Variants in SHANK1 observed in about 807,000 individuals in gnomAD.
SHANK1 encodes the protein SH3 and multiple ankyrin repeat domains 1, also known as SH3 and multiple ankyrin repeat domains protein 1.
A neutral mutation model predicts 165.6 loss-of-function variants in SHANK1; 35 were observed. The observed-to-expected ratio is 0.21, with a 90% CI of 0.16 to 0.28. SHANK1 has a LOEUF of 0.28. SHANK1 is among the 10% of genes least tolerant of loss of function. The pLI is 1.00. For synonymous variants in SHANK1, 1,428 were observed against 1,384.8 expected, an observed-to-expected ratio of 1.03 and a Z score of -0.69; for missense variants, 2,681 against 3,036.4, an observed-to-expected ratio of 0.88 and a Z score of 2.75.
At position 50,703,797 on chromosome 19, in the gene SHANK1, C is replaced by T. The variant is rs751873617; in HGVS notation, c.1256G>A (p.Arg419Gln). ...CCCTGTGCCTGGGGGCCCCCGTCGCCGGGCCGCGTACTTGGGGGACTCCTG... is the reference window on the plus strand; with the variant it reads ...CCCTGTGCCTGGGGGCCCCCGTCGCTGGGCCGCGTACTTGGGGGACTCCTG... ...PFQESPKYAA[R>Q]RRGPPGTGLT... The change falls in exon 11 of 24, where the codon CGG becomes CAG. Residue 419 changes from arginine to glutamine, a missense_variant. Transcript: ENST00000293441. 1.9e-5 allele frequency: 27 copies of T among 1,426,024 alleles called. No individual in the cohort carries two copies. Among genetic ancestry groups the T allele is most frequent in the Non-Finnish European group, 2.5e-5 (27 of 1,095,018 alleles). The allele number at this position is 1,426,024 out of a possible 1,614,324, so 88.3% of individuals were successfully genotyped here.
In SHANK1 at chr19:50,666,419, C is replaced by T. The variant is rs1156468511; in HGVS notation, c.5541G>A (p.Pro1847=). Reference sequence around the variant, plus strand: ...CCAAGGGCCCGGGCAGAGGTGGTGGCGGTGGGCCCGGGCCCTCCTCCCAGG... The same window carrying T: ...CCAAGGGCCCGGGCAGAGGTGGTGGTGGTGGGCCCGGGCCCTCCTCCCAGG... ...LLPWEEGPGP[P]PPPLPGPLAQ... The change falls in exon 23 of 24, where the codon CCG becomes CCA. Residue 1847 remains proline (P), a synonymous_variant. Transcript: ENST00000293441. 1.9e-6 allele frequency: 3 copies of T among 1,611,204 alleles called. No individual in the cohort carries two copies. The highest frequency in any genetic ancestry group is 1.1e-5 in the South Asian group (1 of 90,854).
At chr19:50,665,808 T>C (rs10426330) in intron 23 of SHANK1, among the ~76,000 whole-genome samples, 29,329 of 145,008 alleles carry the variant, frequency 0.2, 3,149 homozygotes, top group Middle Eastern at 0.22. Flanking sequence ...CCAAGGCGGA[T>C]GGATCACCTG....
chr19:50,668,337 G>A lies in SHANK1; in HGVS notation c.3623C>T (p.Pro1208Leu). ...PSPAPAMSPV[P>L]PSPSPVPTPA... ...GGTGGGCACGGGCGAGGGGGACGGGGGCACGGGTGACATGGCCGGGGCGGG... is the reference window on the plus strand; with the variant it reads ...GGTGGGCACGGGCGAGGGGGACGGGAGCACGGGTGACATGGCCGGGGCGGG... Residue 1208 changes from proline to leucine, a missense_variant, in exon 23 of 24, where the codon CCC (proline) becomes CTC (leucine). Around this residue, in one of 10 missense-constraint regions of SHANK1, gnomAD observed 1,713 missense variants for 1,630.2 expected, o/e 1.05. Coordinates refer to ENST00000293441, the MANE Select transcript of SHANK1 (RefSeq NM_016148.5). The A allele has an allele frequency of 7.9e-7, 1 of 1,263,428 alleles. No individual in the cohort carries two copies. Among genetic ancestry groups the A allele is most frequent in the Non-Finnish European group, 9.9e-7 (1 of 1,006,380 alleles). 78.3% of individuals were successfully genotyped at this position (1,263,428 alleles called of 1,614,324 possible). A position where few individuals can be genotyped will look rare whatever the true frequency, so the allele number is the denominator to read the frequency against.
chr19:50,660,122 G>A lies in SHANK1; in HGVS notation c.*1843C>T, dbSNP rs951054180. On this transcript the variant is annotated 3_prime_UTR_variant, in exon 24 of 24. Coordinates refer to ENST00000293441, the MANE Select transcript of SHANK1 (RefSeq NM_016148.5). ...CCCTTCTTTGGCAGCTGAACATGGG[G>A]GGGGGACCTGAGGGCAACGCCCTCC... Among the ~76,000 whole-genome samples the A allele has an allele frequency of 6.6e-6, 1 of 151,324 alleles. No homozygotes were observed.
rs932966790 is a variant in SHANK1, at chr19:50,711,386, G to A, written c.1062C>T (p.Cys354=). ...CTAGGCAGACCTTGTTGTAGAGGGC[G>A]CAGATGTGCAGAGCCGTGTTCCCCG... ...NASGNTALHI[C]ALYNKETCAR... is the part of the protein sequence containing the mutation. The change falls in exon 8 of 24, where the codon TGC becomes TGT. Residue 354 remains cysteine (C), a synonymous_variant. Transcript: ENST00000293441. The A allele has an allele frequency of 1.3e-5, 21 of 1,555,868 alleles. No individual in the cohort carries two copies. The highest frequency in any genetic ancestry group is 1.7e-4 in the Middle Eastern group (1 of 6,014).
Position 50,670,923 on chromosome 19 carries a change from A to G in SHANK1, c.2674+1095T>C, listed in dbSNP as rs1985767812. On this transcript the variant is annotated intron_variant, in intron 22 of 23. Coordinates refer to ENST00000293441, the MANE Select transcript of SHANK1 (RefSeq NM_016148.5). The surrounding 1 kb of genome is among the most constrained non-coding windows in gnomAD (Gnocchi z 4.1). ...ATTCTCCTGCCTCAGCCTCCTGAGTAGCTGGGATTACAGGCACATGCCACC... is the reference window on the plus strand; with the variant it reads ...ATTCTCCTGCCTCAGCCTCCTGAGTGGCTGGGATTACAGGCACATGCCACC... Among the ~76,000 whole-genome samples the G allele has an allele frequency of 6.6e-6, 1 of 151,570 alleles. No individual in the cohort carries two copies. The highest frequency in any genetic ancestry group is 1.5e-5 in the Non-Finnish European group (1 of 67,958).
chr19:50,673,856 T>G (rs1985888434), intron 21 of SHANK1, among the ~76,000 whole-genome samples: 1 of 150,950 alleles, frequency 6.6e-6, no homozygotes, highest in South Asian at 2.1e-4. Flanking sequence ...TGCAGTGGCG[T>G]TAACACGGCT....
chr19:50,659,783 C>T lies in SHANK1; in HGVS notation c.*2182G>A, dbSNP rs1416276684. ...CCCCGACCTCTCCTCCCCCCCCCAC[C>T]CCCTACACCCTCCCCAACCCCGCGG... On this transcript the variant is annotated 3_prime_UTR_variant, in exon 24 of 24. Transcript: ENST00000293441. Among the ~76,000 whole-genome samples the T allele has an allele frequency of 9.6e-5, 14 of 145,656 alleles. No individual in the cohort carries two copies. Among genetic ancestry groups the T allele is most frequent in the African/African-American group, 2.3e-4 (9 of 39,402 alleles).
In SHANK1 at chr19:50,667,486, C is replaced by G. The variant is rs1259033307; in HGVS notation, c.4474G>C (p.Val1492Leu). The change falls in exon 23 of 24, where the codon GTG becomes CTG. Residue 1492 changes from valine to leucine, a missense_variant. Val to Leu is a conservative substitution (Grantham distance 32, BLOSUM62 1). Around this residue, in one of 10 missense-constraint regions of SHANK1, gnomAD observed 1,713 missense variants for 1,630.2 expected, o/e 1.05. Transcript: ENST00000293441. The surrounding 1 kb of genome is among the most constrained non-coding windows in gnomAD (Gnocchi z 5.7). ...GGCTGGCAGTTTTCAAGGAACCGCA[C>G]GTGCAGCGGCAGCCGCTCGGGTTCT... ...PEEPERLPLH[V>L]RFLENCQPRA... 2.0e-6 allele frequency: 3 copies of G among 1,528,134 alleles called. No individual in the cohort carries two copies. Among genetic ancestry groups the G allele is most frequent in the Non-Finnish European group, 2.6e-6 (3 of 1,148,782 alleles). 94.7% of individuals were successfully genotyped at this position (1,528,134 alleles called of 1,614,324 possible). A position where few individuals can be genotyped will look rare whatever the true frequency, so the allele number is the denominator to read the frequency against.
Position 50,668,175 on chromosome 19 carries a change from G to A in SHANK1, c.3785C>T (p.Ala1262Val). Residue 1262 changes from alanine (A) to valine (V), a missense_variant, in exon 23 of 24, where the codon GCG becomes GTG. Coordinates refer to ENST00000293441, the MANE Select transcript of SHANK1 (RefSeq NM_016148.5). ...RRSTLFLSTD[A>V]GDEDGGDGGL... ...GCCGTCCCCGCCGTCCTCGTCCCCC[G>A]CGTCGGTGGACAGGAACAGCGTGGA... 1 of 1,475,084 alleles carries A rather than the reference G, an allele frequency of 6.8e-7. No individual in the cohort carries two copies. The highest frequency in any genetic ancestry group is 8.9e-7 in the Non-Finnish European group (1 of 1,123,028). 91.4% of individuals were successfully genotyped at this position (1,475,084 alleles called of 1,614,324 possible).
At chr19:50,699,839 G>A (rs1986850355) in intron 12 of SHANK1, among the ~76,000 whole-genome samples, 1 of 151,586 alleles carries the variant, frequency 6.6e-6, no homozygotes, top group Admixed American at 6.6e-5. Context: ...GGATTAGAGG[G>A]TTTGGGGCAT....
Position 50,713,153 on chromosome 19 carries a change from C to G in SHANK1, c.792+645G>C, listed in dbSNP as rs2089027732. ...TGTGCGTCGGGGTGCTTCTCAATGG[C>G]TGTCTTTGGGGGCAGCCCATCCTGA... On this transcript the variant is annotated intron_variant, in intron 6 of 23. Transcript: ENST00000293441. The surrounding 1 kb of genome is among the most constrained non-coding windows in gnomAD (Gnocchi z 6.2). Among the ~76,000 whole-genome samples the G allele has an allele frequency of 6.6e-6, 1 of 152,112 alleles. No individual in the cohort carries two copies. Among genetic ancestry groups the G allele is most frequent in the Non-Finnish European group, 1.5e-5 (1 of 68,034 alleles).
rs766019271 is a variant in SHANK1 at position 50,703,548 on chromosome 19, C to G, written c.1505G>C (p.Arg502Pro). Residue 502 changes from arginine (R) to proline (P), a missense_variant, in exon 11 of 24, where the codon CGA (arginine) becomes CCA (proline). By Grantham distance (103) the Arg-to-Pro change is moderately radical (BLOSUM62 -2). Transcript: ENST00000293441. ...PRGARARSPS[R>P]GRHPEDAKRQ... ...CTTGGCGTCCTCAGGGTGCCTCCCTCGGGATGGAGAGCGGGCCCTGGCACC... is the reference window on the plus strand; with the variant it reads ...CTTGGCGTCCTCAGGGTGCCTCCCTGGGGATGGAGAGCGGGCCCTGGCACC... 1.9e-6 allele frequency: 3 copies of G among 1,552,218 alleles called. No homozygotes were observed. Among genetic ancestry groups the G allele is most frequent in the Non-Finnish European group, 2.6e-6 (3 of 1,154,104 alleles).
chr19:50,666,113 C>T, intron 23 of SHANK1, 79 bp downstream of exon 23: 2 of 1,364,666 alleles, frequency 1.5e-6, no homozygotes, highest in Non-Finnish European at 9.7e-7. Context: ...TTCCTTTCTG[C>T]CACCCTGAGA....
In SHANK1 at chr19:50,716,156, G is replaced by C. The variant is rs2089067276; in HGVS notation, c.459+119C>G. ...CTTCCCTGTGATGCTTAGAAGGTCT[G>C]GACTCGCACACTGGGTGCCCCCTCG... On this transcript the variant is annotated intron_variant, in intron 3 of 23. Transcript: ENST00000293441. The surrounding 1 kb of genome is among the most constrained non-coding windows in gnomAD (Gnocchi z 8.4). 2.2e-6 allele frequency: 2 copies of C among 894,296 alleles called. No individual in the cohort carries two copies. Among genetic ancestry groups the C allele is most frequent in the Non-Finnish European group, 3.7e-6 (2 of 547,932 alleles). 55.4% of individuals were successfully genotyped at this position (894,296 alleles called of 1,614,324 possible).
Position 50,668,190 on chromosome 19 carries a change from A to G in SHANK1, c.3770T>C (p.Phe1257Ser). Residue 1257 changes from phenylalanine to serine, a missense_variant, in exon 23 of 24, where the codon TTC becomes TCC. By Grantham distance (155) the Phe-to-Ser change is radical. Transcript: ENST00000293441. ...QNEARRRSTL[F>S]LSTDAGDEDG... is the part of the protein sequence containing the mutation. Reference sequence around the variant, plus strand: ...CTCGTCCCCCGCGTCGGTGGACAGGAACAGCGTGGAGCGCCGGCGCGCCTC... The same window carrying G: ...CTCGTCCCCCGCGTCGGTGGACAGGGACAGCGTGGAGCGCCGGCGCGCCTC... 1 of 1,496,518 alleles carries G rather than the reference A, an allele frequency of 6.7e-7. No homozygotes were observed. Among genetic ancestry groups the G allele is most frequent in the Non-Finnish European group, 8.8e-7 (1 of 1,135,044 alleles). The allele number at this position is 1,496,518 out of a possible 1,614,324, so 92.7% of individuals were successfully genotyped here. A position where few individuals can be genotyped will look rare whatever the true frequency, so the allele number is the denominator to read the frequency against.
intron 21 of SHANK1, among the ~76,000 whole-genome samples, chr19:50,675,563 T>G (rs1170489401): frequency 1.3e-5 from 2 of 152,218 alleles, no homozygotes; most frequent in African/African-American, 4.8e-5. Flanking sequence ...TGCCAGGGAC[T>G]GTGACAGATA....
intron 21 of SHANK1, among the ~76,000 whole-genome samples, chr19:50,683,455 A>G (rs1012539371): frequency 2.0e-5 from 3 of 152,134 alleles, no homozygotes; most frequent in African/African-American, 7.2e-5. Context: ...TGATTCATTC[A>G]CATCCAACTC....
At position 50,686,461 on chromosome 19, in the gene SHANK1, G is replaced by T; in HGVS notation, c.2459-106C>A. The T allele has an allele frequency of 2.3e-6, 2 of 860,776 alleles. No homozygotes were observed. Among genetic ancestry groups the T allele is most frequent in the Non-Finnish European group, 3.7e-6 (2 of 542,226 alleles). The allele number at this position is 860,776 out of a possible 1,614,324, so 53.3% of individuals were successfully genotyped here. ...CCGCCCGCAGTTCATCCAGCACCTG[G>T]ATCAACCAGGAAAGGGCAGCCCTGC... On this transcript the variant is annotated intron_variant, in intron 20 of 23. Coordinates refer to ENST00000293441, the MANE Select transcript of SHANK1 (RefSeq NM_016148.5). The surrounding 1 kb of genome is among the most constrained non-coding windows in gnomAD (Gnocchi z 5.7).
Sources: gnomAD v4.1 joint callset for allele counts (sites outside exome capture counted in the v4.1 genomes callset) on GRCh38, gnomAD v4.1.1 for gene constraint, gnomAD v4.1.1 regional missense constraint, Gnocchi (gnomAD v3.1) non-coding constraint, MANE v1.5 for transcripts, NCBI Gene and HGNC (gene_info 2026-07-23, HGNC 2026-07-21) for gene names.